Variants in AFAP1L1 observed in about 807,000 individuals in gnomAD.
AFAP1L1 encodes actin filament-associated protein 1-like 1.
In AFAP1L1, 77 loss-of-function variants were observed where a neutral mutation model predicts 99.8. That is an observed-to-expected ratio of 0.77 (90% CI 0.64 to 0.93). AFAP1L1 has a LOEUF of 0.93. AFAP1L1 is among the 40% of genes least tolerant of loss of function. The pLI, the probability that AFAP1L1 is intolerant of heterozygous loss-of-function variation, is 0.00. For missense variants in AFAP1L1, 893 were observed against 996.8 expected, an observed-to-expected ratio of 0.90 and a Z score of 1.40; for synonymous variants, 373 against 395.3, an observed-to-expected ratio of 0.94 and a Z score of 0.67.
chr5:149,302,717 G>A, intron 5 of AFAP1L1, 191 bp downstream of exon 5: 1 of 490,938 alleles, frequency 2.0e-6, no homozygotes, highest in Non-Finnish European at 3.6e-6. Flanking sequence ...CAATATGTGG[G>A]GCCCCAGGGG....
intron 1 of AFAP1L1, among the ~76,000 whole-genome samples, chr5:149,283,555 C>T (rs750063404): frequency 2.6e-5 from 4 of 151,570 alleles, no homozygotes; most frequent in Admixed American, 1.3e-4. Flanking sequence ...TTAATTTATT[C>T]ATTTTGTTCT....
At chr5:149,279,360 C>T (rs1321100536) in intron 1 of AFAP1L1, among the ~76,000 whole-genome samples, 5 of 151,232 alleles carry the variant, frequency 3.3e-5, no homozygotes, top group African/African-American at 9.9e-5. Flanking sequence ...AGGGAAGCCA[C>T]GGAATGGCTT....
intron 1 of AFAP1L1, among the ~76,000 whole-genome samples, chr5:149,290,105 C>CA (rs1480889100): frequency 6.6e-6 from 1 of 152,104 alleles, no homozygotes; most frequent in Non-Finnish European, 1.5e-5. Flanking sequence ...TGGTAGCGCA[C>CA]GCCTGTAGTC....
At position 149,335,703 on chromosome 5, in the gene AFAP1L1, G is replaced by A. The variant is rs199767123; in HGVS notation, c.2264G>A (p.Arg755Lys). Residue 755 changes from arginine (R) to lysine (K), a missense_variant, in exon 18 of 19, where the codon AGG (arginine) becomes AAG (lysine). Coordinates refer to ENST00000296721, the MANE Select transcript of AFAP1L1 (RefSeq NM_152406.4). ...SPSIVASNQG[R>K]VLQKAKEWEM... is the part of the protein sequence containing the mutation. ...TCCATCGTAGCCTCCAACCAAGGAA[G>A]GGTGCTACAGAAAGCCAAGGTAGAG... 1.2e-6 allele frequency: 2 copies of A among 1,614,050 alleles called. No homozygotes were observed. Among genetic ancestry groups the A allele is most frequent in the African/African-American group, 1.3e-5 (1 of 75,050 alleles).
chr5:149,339,884 G>A, intron 18 of AFAP1L1, 123 bp from the exon 19 acceptor site: 1 of 950,192 alleles, frequency 1.1e-6, no homozygotes, highest in South Asian at 1.6e-5. Flanking sequence ...GAGAGAGGGG[G>A]TTAGAACCCA....
chr5:149,312,425 G>T, intron 9 of AFAP1L1: 1 of 595,008 alleles, frequency 1.7e-6, no homozygotes. Context: ...GTACAAGCCA[G>T]AGGAGGGAGT....
intron 1 of AFAP1L1, among the ~76,000 whole-genome samples, chr5:149,278,590 G>T (rs558252946): frequency 6.6e-6 from 1 of 152,090 alleles, no homozygotes; most frequent in Non-Finnish European, 1.5e-5. Context: ...AATGTTATAG[G>T]TGCTCATAGC....
intron 14 of AFAP1L1, among the ~76,000 whole-genome samples, chr5:149,321,484 T>C (rs1008317041): frequency 1.3e-5 from 2 of 152,076 alleles, no homozygotes; most frequent in African/African-American, 4.8e-5. Flanking sequence ...CCCAGTACTT[T>C]GGGAGGCTGA....
chr5:149,302,456 C>G lies in AFAP1L1; in HGVS notation c.366C>G (p.Pro122=). 1 of 1,596,702 alleles carries G rather than the reference C, an allele frequency of 6.3e-7. No individual in the cohort carries two copies. Among genetic ancestry groups the G allele is most frequent in the East Asian group, 2.3e-5 (1 of 44,314 alleles). The part of the protein sequence containing the change: ...DLPPPLPNKP[P]PEDYYEEALP... ...CTCCACCGCTCCCCAACAAGCCTCCCCCTGAGGACTACTATGAAGAGGCCC... is the reference window on the plus strand; with the variant it reads ...CTCCACCGCTCCCCAACAAGCCTCCGCCTGAGGACTACTATGAAGAGGCCC... Residue 122 remains proline (P), a synonymous_variant, in exon 5 of 19, where the codon CCC becomes CCG. Transcript: ENST00000296721.
chr5:149,289,188 C>G (rs191120186), intron 1 of AFAP1L1, among the ~76,000 whole-genome samples: 1 of 152,292 alleles, frequency 6.6e-6, no homozygotes, highest in East Asian at 1.9e-4. Context: ...GGAGTTAGAG[C>G]CCAAACCAAG....
At chr5:149,294,701 G>A (rs149534983) in intron 1 of AFAP1L1, among the ~76,000 whole-genome samples, 3 of 152,282 alleles carry the variant, frequency 2.0e-5, no homozygotes, top group Non-Finnish European at 4.4e-5. Flanking sequence ...CTCACGGTGA[G>A]GGTTTCCACC....
At position 149,319,744 on chromosome 5, in the gene AFAP1L1, C is replaced by T. The variant is rs761151180; in HGVS notation, c.1625+17C>T. ...CTCCTTCCTGTAAGTGTCAGCTGCACTGGCCACACCTGCCCAGGACCTTTC... is the reference window on the plus strand; with the variant it reads ...CTCCTTCCTGTAAGTGTCAGCTGCATTGGCCACACCTGCCCAGGACCTTTC... On this transcript the variant is annotated intron_variant, in intron 13 of 18. Transcript: ENST00000296721. The T allele has an allele frequency of 2.5e-6, 4 of 1,609,376 alleles. No individual in the cohort carries two copies. Among genetic ancestry groups the T allele is most frequent in the Non-Finnish European group, 2.5e-6 (3 of 1,179,034 alleles).
intron 17 of AFAP1L1, among the ~76,000 whole-genome samples, chr5:149,334,718 C>A (rs1757352875): frequency 6.6e-6 from 1 of 152,020 alleles, no homozygotes; most frequent in East Asian, 1.9e-4. Flanking sequence ...TCGAAACCAG[C>A]CTGGCCAACA....
rs1390627526 is a variant in AFAP1L1, at chr5:149,307,500, G to A, written c.634G>A (p.Glu212Lys). The A allele has an allele frequency of 1.9e-6, 3 of 1,614,170 alleles. No homozygotes were observed. The highest frequency in any genetic ancestry group is 1.7e-6 in the Non-Finnish European group (2 of 1,180,034). The change falls in exon 7 of 19, where the codon GAG becomes AAG. Residue 212 changes from glutamate to lysine, a missense_variant. Coordinates refer to ENST00000296721, the MANE Select transcript of AFAP1L1 (RefSeq NM_152406.4). Reference protein sequence around the residue: ...PQPRHQWPSEEASMHLVRECR... With the variant: ...PQPRHQWPSEKASMHLVRECR... Reference sequence around the variant, plus strand: ...GCCCCGACACCAGTGGCCCTCAGAGGAGGCCTCCATGCACCTGGTGAGGGA... The same window carrying A: ...GCCCCGACACCAGTGGCCCTCAGAGAAGGCCTCCATGCACCTGGTGAGGGA...
intron 1 of AFAP1L1, among the ~76,000 whole-genome samples, chr5:149,273,703 C>T (rs1755212283): frequency 6.6e-6 from 1 of 152,048 alleles, no homozygotes; most frequent in Non-Finnish European, 1.5e-5. Flanking sequence ...CTCTCACACC[C>T]CTCAGTCCTG....
intron 12 of AFAP1L1, 124 bp downstream of exon 12, chr5:149,318,064 C>G: frequency 8.7e-7 from 1 of 1,143,836 alleles, no homozygotes; most frequent in Non-Finnish European, 1.2e-6. Context: ...GGAAAGCAAG[C>G]CTCACTCCTG....
Position 149,271,954 on chromosome 5 carries a change from G to C in AFAP1L1, c.-15G>C. 1.9e-5 allele frequency: 23 copies of C among 1,232,970 alleles called. No homozygotes were observed. Among genetic ancestry groups the C allele is most frequent in the Non-Finnish European group, 2.3e-5 (23 of 986,800 alleles). The allele number at this position is 1,232,970 out of a possible 1,614,324, so 76.4% of individuals were successfully genotyped here. ...TGCGCCCTGCGGCCCGCTCCCCGGG[G>C]ACCGGGCCGGCGCCATGGACCGAGG... On this transcript the variant is annotated 5_prime_UTR_variant, in exon 1 of 19. Coordinates refer to ENST00000296721, the MANE Select transcript of AFAP1L1 (RefSeq NM_152406.4).
chr5:149,316,267 C>A lies in AFAP1L1; in HGVS notation c.1231C>A (p.Gln411Lys). ...GAAGAAGACACTGGCCGATGACCTG[C>A]AGACGTCCTCCACCGAGGAGGAGGT... ...SKKKTLADDL[Q>K]TSSTEEEVPC... is the part of the protein sequence containing the mutation. Residue 411 changes from glutamine (Q) to lysine (K), a missense_variant, in exon 11 of 19, where the codon CAG becomes AAG. Transcript: ENST00000296721. 2 of 1,614,056 alleles carry A rather than the reference C, an allele frequency of 1.2e-6. No individual in the cohort carries two copies. The highest frequency in any genetic ancestry group is 1.7e-6 in the Non-Finnish European group (2 of 1,179,982).
At chr5:149,326,331 G>A (rs1442221905) in intron 15 of AFAP1L1, among the ~76,000 whole-genome samples, 1 of 152,088 alleles carries the variant, frequency 6.6e-6, no homozygotes, top group Non-Finnish European at 1.5e-5. Flanking sequence ...TTGAGGCCAG[G>A]AGTTCAAGAC....
Sources: gnomAD v4.1 joint callset for allele counts (sites outside exome capture counted in the v4.1 genomes callset) on GRCh38, gnomAD v4.1.1 for gene constraint, MANE v1.5 for transcripts, NCBI Gene and HGNC (gene_info 2026-07-23, HGNC 2026-07-21) for gene names.